TNS3: variants seen among roughly 807,000 people sequenced by gnomAD.
TNS3 encodes tensin-3.
In TNS3, 45 loss-of-function variants were observed where a neutral mutation model predicts 140.9. The ratio of observed to expected loss-of-function variants is 0.32; its 90% CI spans 0.25 to 0.41. TNS3 has a LOEUF of 0.41. Among genes scored for constraint, TNS3 ranks in the 10% least tolerant of loss-of-function variants. The pLI is 1.00. For synonymous variants in TNS3, 815 were observed against 788.4 expected, an observed-to-expected ratio of 1.03 and a Z score of -0.56; for missense variants, 1,716 against 1,906.7, an observed-to-expected ratio of 0.90 and a Z score of 1.86.
chr7:47,383,542 T>G (rs1297096402), intron 16 of TNS3, among the ~76,000 whole-genome samples: 1 of 152,154 alleles, frequency 6.6e-6, no homozygotes. Context: ...AATGGTAAAT[T>G]TATGTGCTAT....
intron 2 of TNS3, among the ~76,000 whole-genome samples, chr7:47,525,880 T>C (rs746972455): frequency 1.2e-4 from 19 of 152,212 alleles, no homozygotes; most frequent in Admixed American, 2.6e-4. Flanking sequence ...ATATTTAAAA[T>C]ACCACAAAAC....
chr7:47,518,229 T>C (rs1410491812), intron 2 of TNS3, among the ~76,000 whole-genome samples: 1 of 152,138 alleles, frequency 6.6e-6, no homozygotes, highest in Non-Finnish European at 1.5e-5. Context: ...GGAATGGGGA[T>C]AAGGCTCAAG....
chr7:47,433,112 C>T (rs533982020), intron 8 of TNS3, among the ~76,000 whole-genome samples: 12 of 152,296 alleles, frequency 7.9e-5, no homozygotes, highest in Non-Finnish European at 1.0e-4. Context: ...CACGGCAGAA[C>T]GGGAAGCATA....
intron 1 of TNS3, among the ~76,000 whole-genome samples, chr7:47,564,612 G>A (rs1267899126): frequency 7.9e-6 from 1 of 127,178 alleles, no homozygotes; most frequent in Non-Finnish European, 1.6e-5. Flanking sequence ...CTCCAGCCTG[G>A]GCAACAGAGC....
chr7:47,475,538 G>T (rs957174689), intron 4 of TNS3, among the ~76,000 whole-genome samples: 9 of 152,352 alleles, frequency 5.9e-5, no homozygotes, highest in African/African-American at 9.6e-5. Flanking sequence ...TTCCCCGGGG[G>T]GGGGGCCAGG....
At chr7:47,429,576 C>G (rs1403330083) in intron 8 of TNS3, among the ~76,000 whole-genome samples, 1 of 152,186 alleles carries the variant, frequency 6.6e-6, no homozygotes, top group South Asian at 2.1e-4. Flanking sequence ...ACCATGTTAG[C>G]CAGGATGGTC....
intron 17 of TNS3, among the ~76,000 whole-genome samples, chr7:47,355,209 C>T (rs993256034): frequency 6.6e-6 from 1 of 152,200 alleles, no homozygotes; most frequent in Non-Finnish European, 1.5e-5. Context: ...TGGGATTCAC[C>T]ACAGGGTGCA....
In TNS3 at chr7:47,411,642, G is replaced by A. The variant is rs573432936; in HGVS notation, c.723+85C>T. On this transcript the variant is annotated intron_variant, in intron 13 of 30. Transcript: ENST00000311160. ...ACTTTTTTTGGGGGTGAGGGTTACT[G>A]TTTTAACACAGAATCATGATTTCAA... 3.5e-6 allele frequency: 5 copies of A among 1,432,682 alleles called. No homozygotes were observed. In the African/African-American group the frequency reaches 7.1e-5, roughly 20 times the overall value. The allele number at this position is 1,432,682 out of a possible 1,614,324, so 88.7% of individuals were successfully genotyped here.
chr7:47,443,876 G>A (rs982336731), intron 4 of TNS3, among the ~76,000 whole-genome samples: 24 of 152,244 alleles, frequency 1.6e-4, no homozygotes, highest in South Asian at 4.1e-4. Flanking sequence ...AGCCAAGATC[G>A]TGCCACTGCA....
intron 10 of TNS3, among the ~76,000 whole-genome samples, chr7:47,416,653 G>T (rs1794096773): frequency 2.6e-5 from 4 of 152,146 alleles, no homozygotes; most frequent in Non-Finnish European, 2.9e-5. Flanking sequence ...CTGATGACCA[G>T]ACTTCAGTGG....
At chr7:47,520,504 C>T (rs147036444) in intron 2 of TNS3, among the ~76,000 whole-genome samples, 2 of 152,342 alleles carry the variant, frequency 1.3e-5, no homozygotes, top group East Asian at 3.9e-4. Flanking sequence ...CAAATCCTGA[C>T]AACCCAGACC....
In TNS3 at chr7:47,490,780, C is replaced by T. The variant is rs529804692; in HGVS notation, c.-114-9639G>A. 1.7e-3 allele frequency among the ~76,000 whole-genome samples: 257 copies of T among 152,330 alleles called. 1 individual carries two copies. Among genetic ancestry groups the T allele is most frequent in the African/African-American group, 5.9e-3 (247 of 41,562 alleles). Reference sequence around the variant, plus strand: ...AGCACCACATGAAGCAAGCACTGCCCAGCCAGCTCACGAATCCATCACAGC... The same window carrying T: ...AGCACCACATGAAGCAAGCACTGCCTAGCCAGCTCACGAATCCATCACAGC... On this transcript the variant is annotated intron_variant, in intron 3 of 30. Coordinates refer to ENST00000311160, the MANE Select transcript of TNS3 (RefSeq NM_022748.12).
rs182026133 is a variant in TNS3, at chr7:47,460,162, G to A, written c.-75-18107C>T. On this transcript the variant is annotated intron_variant, in intron 4 of 30. Coordinates refer to ENST00000311160, the MANE Select transcript of TNS3 (RefSeq NM_022748.12). ...TGAGAGGCGGAGCTTGCAGTGAGCCGAGATCGCACCACTGCACTCCAGCCC... is the reference window on the plus strand; with the variant it reads ...TGAGAGGCGGAGCTTGCAGTGAGCCAAGATCGCACCACTGCACTCCAGCCC... 6.0e-3 allele frequency among the ~76,000 whole-genome samples: 881 copies of A among 147,890 alleles called. 9 individuals are homozygous for A. Among genetic ancestry groups the A allele is most frequent in the African/African-American group, 0.021 (822 of 39,464 alleles).
chr7:47,463,019 T>C (rs1475767415), intron 4 of TNS3, among the ~76,000 whole-genome samples: 1 of 152,182 alleles, frequency 6.6e-6, no homozygotes, highest in African/African-American at 2.4e-5. Context: ...TGATTTTCGT[T>C]ATTGGCAGTA....
intron 8 of TNS3, among the ~76,000 whole-genome samples, chr7:47,431,994 A>T (rs1401480541): frequency 6.6e-6 from 1 of 152,238 alleles, no homozygotes; most frequent in Non-Finnish European, 1.5e-5. Flanking sequence ...TCCGAACAAA[A>T]CAATAACAAG....
intron 20 of TNS3, among the ~76,000 whole-genome samples, chr7:47,311,537 T>C (rs1202063175): frequency 6.6e-6 from 1 of 152,222 alleles, no homozygotes; most frequent in Admixed American, 6.5e-5. Flanking sequence ...ATTCAGTTCA[T>C]GATTTTATCA....
chr7:47,541,197 C>A (rs767725401), intron 1 of TNS3, among the ~76,000 whole-genome samples: 8 of 152,074 alleles, frequency 5.3e-5, no homozygotes, highest in Non-Finnish European at 1.0e-4. Context: ...ATGGGAGGCA[C>A]CTTCGGGAGG....
chr7:47,370,360 T>C (rs1790989013), intron 16 of TNS3, among the ~76,000 whole-genome samples: 1 of 152,158 alleles, frequency 6.6e-6, no homozygotes, highest in Non-Finnish European at 1.5e-5. Flanking sequence ...GTGCAGGAAT[T>C]GATTTGGGTC....
At chr7:47,531,239 T>C (rs1799394801) in intron 1 of TNS3, among the ~76,000 whole-genome samples, 1 of 152,068 alleles carries the variant, frequency 6.6e-6, no homozygotes, top group Non-Finnish European at 1.5e-5. Context: ...AACCTGCACA[T>C]GTACCCTGAA....
Sources: gnomAD v4.1 joint callset for allele counts (sites outside exome capture counted in the v4.1 genomes callset) on GRCh38, gnomAD v4.1.1 for gene constraint, MANE v1.5 for transcripts, NCBI Gene and HGNC (gene_info 2026-07-23, HGNC 2026-07-21) for gene names.